Variants in SYAP1 observed in about 807,000 individuals in gnomAD.
SYAP1 encodes the protein synapse associated protein 1.
In SYAP1, 3 loss-of-function variants were observed where a neutral mutation model predicts 29.6. That is an observed-to-expected ratio of 0.10 (90% CI 0.05 to 0.26). The LOEUF (loss-of-function observed/expected upper bound fraction) is 0.26, where lower values mean the gene tolerates loss of function less well. Ranked by LOEUF, SYAP1 falls within the 10% of genes least tolerant of loss-of-function variation. The pLI, the probability that SYAP1 is intolerant of heterozygous loss-of-function variation, is 1.00. For synonymous variants in SYAP1, 102 were observed against 102.7 expected, an observed-to-expected ratio of 0.99 and a Z score of 0.04; for missense variants, 217 against 264.1, an observed-to-expected ratio of 0.82 and a Z score of 1.24.
chrX:16,728,883 C>G (rs1426200099), intron 1 of SYAP1, among the ~76,000 whole-genome samples: 4 of 106,606 alleles, frequency 3.8e-5, no homozygotes, highest in Non-Finnish European at 7.7e-5. Flanking sequence ...ACTAAAAATA[C>G]AAAAATTTAG....
chrX:16,730,498 G>A (rs1926183720), intron 1 of SYAP1, among the ~76,000 whole-genome samples: 1 of 112,578 alleles, frequency 8.9e-6, no homozygotes, highest in African/African-American at 3.2e-5. Context: ...AGCCTAAGAT[G>A]TAGACAGAAG....
rs1325201889 is a variant in SYAP1 at position 16,765,146 on chromosome X, ACTTCT to A, written c.*4789_*4793del. 1 of 112,355 alleles carries A rather than the reference ACTTCT, an allele frequency of 8.9e-6. No individual in the cohort carries two copies. The highest frequency in any genetic ancestry group is 3.2e-5 in the African/African-American group (1 of 30,976). 9.3% of individuals were successfully genotyped at this position (112,355 alleles called of 1,213,427 possible). A position where few individuals can be genotyped will look rare whatever the true frequency, so the allele number is the denominator to read the frequency against. The stretch of plus-strand genomic sequence containing the variant: ...AAGCTTTAATCACATGCAGTTATAT[ACTTCT>A]CACAAATCATCAAATTATTTATCTG... On this transcript the variant is annotated 3_prime_UTR_variant, in exon 9 of 9. Coordinates refer to ENST00000380155, the MANE Select transcript of SYAP1 (RefSeq NM_032796.4).
rs917839920 is a variant in SYAP1, at chrX:16,758,599, G to A, written c.931+1290G>A. Among the ~76,000 whole-genome samples the A allele has an allele frequency of 4.5e-5, 5 of 110,464 alleles. No individual in the cohort carries two copies. In the South Asian group the frequency reaches 1.6e-3, roughly 34 times the overall value. On this transcript the variant is annotated intron_variant, in intron 8 of 8. Transcript: ENST00000380155. ...GATCTGTCTGCCTCGGCCTCCCAAAGTGCTGGGATTACAGGCATGAGCCAA... is the reference window on the plus strand; with the variant it reads ...GATCTGTCTGCCTCGGCCTCCCAAAATGCTGGGATTACAGGCATGAGCCAA...
chrX:16,729,412 T>C (rs1401649191), intron 1 of SYAP1, among the ~76,000 whole-genome samples: 2 of 111,749 alleles, frequency 1.8e-5, no homozygotes, highest in Non-Finnish European at 3.8e-5. Context: ...TATAACCCTT[T>C]ATAATTTTCG....
intron 5 of SYAP1, among the ~76,000 whole-genome samples, chrX:16,744,235 C>T (rs766283300): frequency 1.7e-4 from 19 of 112,453 alleles, no homozygotes; most frequent in Non-Finnish European, 2.8e-4. Context: ...TTTCCTCCAA[C>T]AGCTCTTCTG....
rs113108370 is a variant in SYAP1, at chrX:16,751,970, C to T, written c.576-2975C>T. 4.8e-3 allele frequency among the ~76,000 whole-genome samples: 481 copies of T among 99,963 alleles called. 1 individual carries two copies. Among genetic ancestry groups the T allele is most frequent in the Non-Finnish European group, 7.2e-3 (363 of 50,619 alleles). 86.8% of individuals were successfully genotyped at this position (99,963 alleles called of 115,157 possible). A position where few individuals can be genotyped will look rare whatever the true frequency, so the allele number is the denominator to read the frequency against. ...GGATTACAGGCATGAGCCACTGCAC[C>T]CGGCCTTTTTTTTTTTTTTTTTTTT... On this transcript the variant is annotated intron_variant, in intron 5 of 8. Coordinates refer to ENST00000380155, the MANE Select transcript of SYAP1 (RefSeq NM_032796.4).
intron 1 of SYAP1, among the ~76,000 whole-genome samples, chrX:16,726,635 G>A (rs1463880543): frequency 9.0e-6 from 1 of 111,584 alleles, no homozygotes; most frequent in East Asian, 2.8e-4. Flanking sequence ...ATTTGCGCAT[G>A]ATTTCTATCA....
intron 5 of SYAP1, among the ~76,000 whole-genome samples, chrX:16,752,407 T>TTA (rs1250962008): frequency 1.1e-3 from 94 of 88,861 alleles, no homozygotes; most frequent in Non-Finnish European, 1.9e-3. Flanking sequence ...TATTATTATT[T>TTA]TGAAACACAA....
chrX:16,749,910 C>CAA (rs201193907), intron 5 of SYAP1, among the ~76,000 whole-genome samples: 5 of 58,015 alleles, frequency 8.6e-5, no homozygotes, highest in Admixed American at 2.1e-4. Flanking sequence ...GACTCCATCT[C>CAA]AAAAAAAAAA....
chrX:16,743,344 TAAAA>T (rs1380114758), intron 4 of SYAP1, among the ~76,000 whole-genome samples: 1 of 100,170 alleles, frequency 1.0e-5, no homozygotes, highest in Non-Finnish European at 2.0e-5. Context: ...AAAATAAAAT[TAAAA>T]AAAAAGAGTG....
intron 5 of SYAP1, among the ~76,000 whole-genome samples, chrX:16,745,056 T>A (rs2147429681): frequency 8.9e-6 from 1 of 112,383 alleles, no homozygotes; most frequent in Admixed American, 9.5e-5. Context: ...TGGCAGACTC[T>A]CCTTACCTGT....
chrX:16,744,421 C>T (rs768088162), intron 5 of SYAP1, among the ~76,000 whole-genome samples: 6 of 112,923 alleles, frequency 5.3e-5, no homozygotes, highest in Non-Finnish European at 7.5e-5. Flanking sequence ...TTGAAGCTGT[C>T]GCATGTTTGG....
intron 8 of SYAP1, among the ~76,000 whole-genome samples, chrX:16,758,878 G>T (rs763176079): frequency 9.1e-6 from 1 of 109,950 alleles, no homozygotes; most frequent in East Asian, 2.9e-4. Context: ...CTATAGCTAA[G>T]TTTAAGGTTT....
At chrX:16,748,090 AAAAAG>A (rs928572588) in intron 5 of SYAP1, among the ~76,000 whole-genome samples, 53 of 112,044 alleles carry the variant, frequency 4.7e-4, no homozygotes, top group Non-Finnish European at 6.6e-4. Context: ...TCTCAAAAAA[AAAAAG>A]AAAAGAAAAA....
Position 16,719,790 on chromosome X carries a change from T to C in SYAP1, c.66T>C (p.Asn22=). The C allele has an allele frequency of 8.3e-7, 1 of 1,200,536 alleles. No homozygotes were observed. Among genetic ancestry groups the C allele is most frequent in the East Asian group, 3.0e-5 (1 of 33,219 alleles). ...QQPVAGGGQP[N]GDAPPEQPSE... ...CGGTGGCAGGCGGTGGGCAGCCCAATGGAGATGCTCCACCCGAGCAGCCGT... is the reference window on the plus strand; with the variant it reads ...CGGTGGCAGGCGGTGGGCAGCCCAACGGAGATGCTCCACCCGAGCAGCCGT... The change falls in exon 1 of 9, where the codon AAT becomes AAC. Residue 22 remains asparagine, a synonymous_variant. Coordinates refer to ENST00000380155, the MANE Select transcript of SYAP1 (RefSeq NM_032796.4).
intron 1 of SYAP1, among the ~76,000 whole-genome samples, chrX:16,726,389 A>G (rs1038157925): frequency 3.6e-5 from 4 of 110,769 alleles, no homozygotes; most frequent in African/African-American, 1.3e-4. Flanking sequence ...CAGACCCCCA[A>G]TCAACTTGTT....
At chrX:16,760,004 A>G (rs1303353122) in intron 8 of SYAP1, among the ~76,000 whole-genome samples, 2 of 112,622 alleles carry the variant, frequency 1.8e-5, no homozygotes, top group Non-Finnish European at 3.7e-5. Context: ...TATTGATGAC[A>G]TCTGATACCT....
chrX:16,748,999 C>T (rs761315104), intron 5 of SYAP1, among the ~76,000 whole-genome samples: 2 of 110,679 alleles, frequency 1.8e-5, no homozygotes, highest in Non-Finnish European at 3.8e-5. Context: ...TTGCAATCTG[C>T]CTGCCTCAGC....
intron 1 of SYAP1, among the ~76,000 whole-genome samples, chrX:16,726,336 T>C (rs1292676551): frequency 9.0e-6 from 1 of 111,165 alleles, no homozygotes; most frequent in Non-Finnish European, 1.9e-5. Flanking sequence ...TGATTACCCT[T>C]ATCTTGTCTC....
Sources: gnomAD v4.1 joint callset for allele counts (sites outside exome capture counted in the v4.1 genomes callset) on GRCh38, gnomAD v4.1.1 for gene constraint, MANE v1.5 for transcripts, NCBI Gene and HGNC (gene_info 2026-07-23, HGNC 2026-07-21) for gene names.